The following KCNQ1 variants were observed in gnomAD, a reference collection of about 807,000 sequenced individuals.
The protein encoded by KCNQ1 is potassium voltage-gated channel subfamily KQT member 1.
A neutral mutation model predicts 72.4 loss-of-function variants in KCNQ1; 49 were observed. That is an observed-to-expected ratio of 0.68 (90% confidence interval 0.54 to 0.86). The LOEUF (loss-of-function observed/expected upper bound fraction) is 0.86. KCNQ1 is among the 40% of genes least tolerant of loss of function. The pLI is 0.00. For synonymous variants in KCNQ1, 450 were observed against 412.6 expected (o/e 1.09, Z -1.10); for missense variants, 790 against 945.1 (o/e 0.84, Z 2.15).
intron 15 of KCNQ1, among the ~76,000 whole-genome samples, chr11:2,811,044 C>T (rs1005355738): frequency 3.9e-5 from 6 of 152,236 alleles, no homozygotes; most frequent in African/African-American, 9.6e-5. Flanking sequence ...GACTCACCCC[C>T]GCCCAGTCTT....
At chr11:2,583,998 GTGT>G (rs1373629290) in intron 7 of KCNQ1, among the ~76,000 whole-genome samples, 8 of 152,140 alleles carry the variant, frequency 5.3e-5, no homozygotes, top group South Asian at 2.1e-4. Flanking sequence ...GTGTGTGTGT[GTGT>G]TATGTGCGTA....
intron 1 of KCNQ1, among the ~76,000 whole-genome samples, chr11:2,485,216 G>T (rs987186082): frequency 6.6e-6 from 1 of 152,108 alleles, no homozygotes; most frequent in African/African-American, 2.4e-5. Flanking sequence ...GGTGTCCCCC[G>T]ATTCTGATTG....
chr11:2,721,461 G>C (rs896088217), intron 11 of KCNQ1, among the ~76,000 whole-genome samples: 4 of 152,268 alleles, frequency 2.6e-5, no homozygotes, highest in African/African-American at 9.6e-5. Flanking sequence ...GCTGTCTCCA[G>C]CTCGCAAGAG....
chr11:2,795,871 G>A (rs530159774), intron 15 of KCNQ1, among the ~76,000 whole-genome samples: 3 of 152,126 alleles, frequency 2.0e-5, no homozygotes, highest in South Asian at 4.1e-4. Flanking sequence ...CCCATGGGGC[G>A]GGGGCCGGGG....
chr11:2,745,587 C>G lies in KCNQ1; in HGVS notation c.1515-23257C>G, dbSNP rs1053831792. Among the ~76,000 whole-genome samples the G allele has an allele frequency of 6.6e-6, 1 of 152,206 alleles. No homozygotes were observed. On this transcript the variant is annotated intron_variant, in intron 11 of 15. Transcript: ENST00000155840. This position sits in a 1 kb window ranked among gnomAD's most constrained non-coding sequence, Gnocchi z 6.2. ...TCAGCGTGACCACAGGCCCCCATTC[C>G]CCAGCCCCTAATGTTCTTGCCTCAT...
intron 15 of KCNQ1, among the ~76,000 whole-genome samples, chr11:2,789,901 C>T (rs1297374306): frequency 6.6e-6 from 1 of 152,194 alleles, no homozygotes; most frequent in Non-Finnish European, 1.5e-5. Flanking sequence ...GGGAGGACCA[C>T]CCCCAATCCT....
chr11:2,715,822 G>C lies in KCNQ1; in HGVS notation c.1515-53022G>C, dbSNP rs1194938453. 6.6e-6 allele frequency among the ~76,000 whole-genome samples: 1 copy of C among 152,234 alleles called. No individual in the cohort carries two copies. The highest frequency in any genetic ancestry group is 1.5e-5 in the Non-Finnish European group (1 of 68,042). ...CCGCATCCCACATCCCCGCAGCCTT[G>C]CGCTGGTCTAAATGCCTCCCAGCCT... is the stretch of plus-strand genomic sequence containing the variant. On this transcript the variant is annotated intron_variant, in intron 11 of 15. Coordinates refer to ENST00000155840, the MANE Select transcript of KCNQ1 (RefSeq NM_000218.3). The surrounding 1 kb of genome is among the most constrained non-coding windows in gnomAD (Gnocchi z 4.9).
chr11:2,754,238 G>A (rs1846266617), intron 11 of KCNQ1, among the ~76,000 whole-genome samples: 3 of 152,212 alleles, frequency 2.0e-5, no homozygotes. Flanking sequence ...GGCCCTGGAG[G>A]GGTGTGCCCA....
chr11:2,675,617 G>C (rs574974390), intron 11 of KCNQ1: 2 of 398,514 alleles, frequency 5.0e-6, no homozygotes, highest in African/African-American at 4.1e-5. Flanking sequence ...ATAGGGTGGA[G>C]AGCACCCCTT....
chr11:2,611,594 C>G lies in KCNQ1; in HGVS notation c.1393+22740C>G, dbSNP rs1246498436. The G allele has an allele frequency of 7.5e-6, 3 of 398,450 alleles. No homozygotes were observed. Among genetic ancestry groups the G allele is most frequent in the Non-Finnish European group, 1.3e-5 (3 of 226,066 alleles). The allele number at this position is 398,450 out of a possible 1,614,324, so 24.7% of individuals were successfully genotyped here. A position where few individuals can be genotyped will look rare whatever the true frequency, so the allele number is the denominator to read the frequency against. ...TCTTTTTCCATCATTTTACTTTCAA[C>G]TATGTCTTTGAATCTAGAATGTGAC... is the stretch of plus-strand genomic sequence containing the variant. On this transcript the variant is annotated intron_variant, in intron 10 of 15. Coordinates refer to ENST00000155840, the MANE Select transcript of KCNQ1 (RefSeq NM_000218.3). The surrounding 1 kb of genome is among the most constrained non-coding windows in gnomAD (Gnocchi z 5.3).
intron 10 of KCNQ1, chr11:2,656,894 G>A (rs916622879): frequency 2.5e-6 from 1 of 398,390 alleles, no homozygotes; most frequent in Non-Finnish European, 4.4e-6. Flanking sequence ...TGAATTTTTG[G>A]TATATGATGT....
rs1850339805 is a variant in KCNQ1 at position 2,678,892 on chromosome 11, C to T, written c.1514+16811C>T. ...TGCCAGCTGGACCCAAGGACCATTT[C>T]GTATACATGTATGATCATACTTTCA... On this transcript the variant is annotated intron_variant, in intron 11 of 15. Coordinates refer to ENST00000155840, the MANE Select transcript of KCNQ1 (RefSeq NM_000218.3). The surrounding 1 kb of genome is among the most constrained non-coding windows in gnomAD (Gnocchi z 4.9). The T allele has an allele frequency of 2.5e-6, 1 of 398,554 alleles. No homozygotes were observed. Among genetic ancestry groups the T allele is most frequent in the East Asian group, 3.6e-5 (1 of 28,082 alleles). 24.7% of individuals were successfully genotyped at this position (398,554 alleles called of 1,614,324 possible).
At chr11:2,590,430 G>T (rs540933619) in intron 10 of KCNQ1, among the ~76,000 whole-genome samples, 122 of 152,332 alleles carry the variant, frequency 8.0e-4, no homozygotes, top group Non-Finnish European at 1.4e-3. Flanking sequence ...GGAGGAAAAG[G>T]GCACCTGTTT....
At chr11:2,634,327 TCCCC>T (rs1554900017) in intron 10 of KCNQ1, 2 of 92,928 alleles carry the variant, frequency 2.2e-5, no homozygotes, top group Non-Finnish European at 3.9e-5. Context: ...CCCTCCCCCC[TCCCC>T]CCCCACCCCA....
chr11:2,727,404 T>G (rs1845783154), intron 11 of KCNQ1, among the ~76,000 whole-genome samples: 1 of 152,188 alleles, frequency 6.6e-6, no homozygotes. Context: ...CATTCCTGTG[T>G]GAGTCAGGTG....
chr11:2,802,572 T>C (rs1034365683), intron 15 of KCNQ1, among the ~76,000 whole-genome samples: 4 of 152,160 alleles, frequency 2.6e-5, no homozygotes, highest in Non-Finnish European at 5.9e-5. Context: ...ACCCTGCCTC[T>C]CAGGAGCCAG....
rs1230229963 is a variant in KCNQ1 at position 2,479,685 on chromosome 11, G to A, written c.386+34201G>A. Among the ~76,000 whole-genome samples the A allele has an allele frequency of 6.6e-6, 1 of 152,206 alleles. No homozygotes were observed. The highest frequency in any genetic ancestry group is 1.5e-5 in the Non-Finnish European group (1 of 68,038). On this transcript the variant is annotated intron_variant, in intron 1 of 15. Coordinates refer to ENST00000155840, the MANE Select transcript of KCNQ1 (RefSeq NM_000218.3). The surrounding 1 kb of genome is among the most constrained non-coding windows in gnomAD (Gnocchi z 4.6). ...GCTCCTAAGGTCTCTGACATGCCCT[G>A]GAGACATTTTCCCCATTGTCTTAGT...
chr11:2,527,686 T>G (rs1847533873), intron 1 of KCNQ1, among the ~76,000 whole-genome samples: 1 of 152,254 alleles, frequency 6.6e-6, no homozygotes, highest in South Asian at 2.1e-4. Flanking sequence ...GGCGCCATGT[T>G]TCTCGGACCC....
rs1343059342 is a variant in KCNQ1, at chr11:2,537,986, A to AG, written c.477+9969dup. ...CCACCTCGGCCAACCCAAAGTGCTGAGATTATAGGCATGAACCACTGCACT... is the reference window on the plus strand; with the variant it reads ...CCACCTCGGCCAACCCAAAGTGCTGAGGATTATAGGCATGAACCACTGCACT... On this transcript the variant is annotated intron_variant, in intron 2 of 15. Coordinates refer to ENST00000155840, the MANE Select transcript of KCNQ1 (RefSeq NM_000218.3). The surrounding 1 kb of genome is among the most constrained non-coding windows in gnomAD (Gnocchi z 5.2). Among the ~76,000 whole-genome samples the AG allele has an allele frequency of 6.6e-6, 1 of 152,184 alleles. No homozygotes were observed. The highest frequency in any genetic ancestry group is 2.4e-5 in the African/African-American group (1 of 41,432).
Sources: gnomAD v4.1 joint callset for allele counts (sites outside exome capture counted in the v4.1 genomes callset) on GRCh38, gnomAD v4.1.1 for gene constraint, Gnocchi (gnomAD v3.1) non-coding constraint, MANE v1.5 for transcripts, NCBI Gene and HGNC (gene_info 2026-07-23, HGNC 2026-07-21) for gene names.